NRROS: variants seen among roughly 807,000 people sequenced by gnomAD.
The protein encoded by NRROS is negative regulator of reactive oxygen species, also known as transforming growth factor beta activator LRRC33.
NRROS carries 6 observed loss-of-function variants against 12.0 expected under a neutral mutation model. The ratio of observed to expected loss-of-function variants is 0.50; its 90% confidence interval spans 0.27 to 0.98. The LOEUF is 0.98. Ranked by LOEUF, NRROS falls within the 50% of genes least tolerant of loss-of-function variation. The probability of loss-of-function intolerance (pLI) is 0.11; values close to 1 mark genes in which losing one functional copy is unlikely to be tolerated. For missense variants in NRROS, 857 were observed against 888.2 expected (o/e 0.96, Z 0.45); for synonymous variants, 462 against 410.2 (o/e 1.13, Z -1.53).
Position 196,661,355 on chromosome 3 carries a change from C to A in NRROS, c.1712C>A (p.Thr571Lys). ...ETLDLRRNSLTALPQKAVSEQ... is the reference protein window; with the variant it reads ...ETLDLRRNSLKALPQKAVSEQ... ...CTGGATCTCCGTAGAAACTCGCTCA[C>A]AGCCCTTCCCCAGAAGGCTGTGTCT... Residue 571 changes from threonine to lysine, a missense_variant, in exon 3 of 3, where the codon ACA (threonine) becomes AAA (lysine). Transcript: ENST00000328557. 6.3e-7 allele frequency: 1 copy of A among 1,579,016 alleles called. No homozygotes were observed. Among genetic ancestry groups the A allele is most frequent in the Non-Finnish European group, 8.6e-7 (1 of 1,161,416 alleles).
At chr3:196,648,113 T>G (rs1737345957) in intron 1 of NRROS, among the ~76,000 whole-genome samples, 4 of 152,240 alleles carry the variant, frequency 2.6e-5, no homozygotes, top group Non-Finnish European at 5.9e-5. Context: ...ATTACCATAA[T>G]TTAACATCTC....
At chr3:196,655,944 G>A (rs1483189035) in intron 2 of NRROS, among the ~76,000 whole-genome samples, 2 of 152,102 alleles carry the variant, frequency 1.3e-5, no homozygotes, top group Non-Finnish European at 2.9e-5. Context: ...AGGCCGAGGC[G>A]GGCAGATCAC....
intron 2 of NRROS, among the ~76,000 whole-genome samples, chr3:196,658,732 C>T (rs768013373): frequency 9.9e-5 from 15 of 152,074 alleles, no homozygotes; most frequent in African/African-American, 1.7e-4. Context: ...TTTGGGAGGC[C>T]GAGGCAGGCA....
At chr3:196,646,887 C>T (rs1201381107) in intron 1 of NRROS, among the ~76,000 whole-genome samples, 4 of 152,292 alleles carry the variant, frequency 2.6e-5, no homozygotes, top group Non-Finnish European at 4.4e-5. Context: ...CGCCGCGTGC[C>T]TCTCTTTTCA....
chr3:196,651,905 C>T (rs1737436559), intron 1 of NRROS, among the ~76,000 whole-genome samples: 1 of 152,176 alleles, frequency 6.6e-6, no homozygotes, highest in African/African-American at 2.4e-5. Context: ...TCTTTCTGCC[C>T]TCTACTGTCT....
chr3:196,642,210 C>T (rs961263325), intron 1 of NRROS, among the ~76,000 whole-genome samples: 6 of 150,632 alleles, frequency 4.0e-5, no homozygotes, highest in South Asian at 2.1e-4. Context: ...ACAATAAACC[C>T]GAGTTCAAGA....
At chr3:196,659,346 G>A (rs1737611284) in intron 2 of NRROS, among the ~76,000 whole-genome samples, 1 of 143,038 alleles carries the variant, frequency 7.0e-6, no homozygotes, top group African/African-American at 2.6e-5. Flanking sequence ...TGTCGCCCAG[G>A]CTGGAGTGCA....
In NRROS at chr3:196,661,051, G is replaced by C; in HGVS notation, c.1408G>C (p.Glu470Gln). 1 of 1,614,154 alleles carries C rather than the reference G, an allele frequency of 6.2e-7. No homozygotes were observed. The highest frequency in any genetic ancestry group is 8.5e-7 in the Non-Finnish European group (1 of 1,180,034). ...NMASLRSLSL[E>Q]GCGLGALPDC... ...GGCATCTTTAAGGAGCCTGTCTCTG[G>C]AGGGCTGTGGCCTGGGGGCATTGCC... The change falls in exon 3 of 3, where the codon GAG (glutamate) becomes CAG (glutamine). Residue 470 changes from glutamate to glutamine, a missense_variant. Transcript: ENST00000328557.
At chr3:196,655,235 TAAA>T (rs1259170871) in intron 2 of NRROS, among the ~76,000 whole-genome samples, 5 of 74,552 alleles carry the variant, frequency 6.7e-5, no homozygotes, top group Admixed American at 2.9e-4. Context: ...ACCTTGTCTT[TAAA>T]AAAAAAAAAA....
At chr3:196,644,143 C>G (rs1017569948) in intron 1 of NRROS, among the ~76,000 whole-genome samples, 1 of 152,200 alleles carries the variant, frequency 6.6e-6, no homozygotes, top group Non-Finnish European at 1.5e-5. Flanking sequence ...CCCCAGTTTT[C>G]TTCTAGGCTC....
chr3:196,649,384 A>G (rs1210799334), intron 1 of NRROS, among the ~76,000 whole-genome samples: 2 of 152,154 alleles, frequency 1.3e-5, no homozygotes, highest in East Asian at 1.9e-4. Context: ...TTGTGTGTCC[A>G]TGAGTGTCAC....
At chr3:196,640,305 A>C (rs1156555614) in intron 1 of NRROS, among the ~76,000 whole-genome samples, 2 of 152,164 alleles carry the variant, frequency 1.3e-5, no homozygotes, top group Non-Finnish European at 2.9e-5. Context: ...GTGCACACTC[A>C]GCATGCTGAG....
rs144201383 is a variant in NRROS, at chr3:196,661,178, T to C, written c.1535T>C (p.Met512Thr). 9 of 1,612,908 alleles carry C rather than the reference T, an allele frequency of 5.6e-6. No individual in the cohort carries two copies. Among genetic ancestry groups the C allele is most frequent in the Admixed American group, 5.0e-5 (3 of 59,862 alleles). ...SLAPLQDVAPMLQVLSLRNMG... is the reference protein window; with the variant it reads ...SLAPLQDVAPTLQVLSLRNMG... ...GCCCCACTCCAGGATGTTGCCCCCATGTTACAGGTCCTGTCTCTCAGGAAC... is the reference window on the plus strand; with the variant it reads ...GCCCCACTCCAGGATGTTGCCCCCACGTTACAGGTCCTGTCTCTCAGGAAC... Residue 512 changes from methionine to threonine, a missense_variant, in exon 3 of 3, where the codon ATG becomes ACG. Met to Thr is a moderately conservative substitution (Grantham distance 81). Transcript: ENST00000328557.
In NRROS at chr3:196,641,881, C is replaced by T. The variant is rs573483295; in HGVS notation, c.-14+2006C>T. ...TCAGGAGAGGGTGGACTTTCAACCA[C>T]GACTGAAAACACTGTCTTTCTTAGG... On this transcript the variant is annotated intron_variant, in intron 1 of 2. Coordinates refer to ENST00000328557, the MANE Select transcript of NRROS (RefSeq NM_198565.3). Among the ~76,000 whole-genome samples the T allele has an allele frequency of 3.9e-5, 6 of 152,298 alleles. No individual in the cohort carries two copies. In the East Asian group the frequency reaches 5.8e-4, roughly 15 times the overall value.
intron 2 of NRROS, among the ~76,000 whole-genome samples, chr3:196,656,330 C>T (rs73084958): frequency 0.072 from 10,903 of 152,226 alleles, 439 homozygotes; most frequent in East Asian, 0.16. Context: ...TTAGTAGGAA[C>T]CTATAACCAC....
At chr3:196,658,521 T>G (rs950998813) in intron 2 of NRROS, among the ~76,000 whole-genome samples, 5 of 152,210 alleles carry the variant, frequency 3.3e-5, no homozygotes, top group South Asian at 2.1e-4. Context: ...AACCTGTGCT[T>G]CTTCTAACCT....
At chr3:196,650,424 G>A (rs1429510151) in intron 1 of NRROS, among the ~76,000 whole-genome samples, 3 of 152,154 alleles carry the variant, frequency 2.0e-5, no homozygotes, top group African/African-American at 4.8e-5. Flanking sequence ...GATTACAGGA[G>A]TGAGCCACTG....
chr3:196,649,711 T>TC (rs1405792416), intron 1 of NRROS, among the ~76,000 whole-genome samples: 1 of 152,146 alleles, frequency 6.6e-6, no homozygotes, highest in Non-Finnish European at 1.5e-5. Context: ...GACCTCGTGA[T>TC]CACCCGCCTC....
chr3:196,646,509 G>T (rs981108709), intron 1 of NRROS, among the ~76,000 whole-genome samples: 6 of 152,200 alleles, frequency 3.9e-5, no homozygotes, highest in Non-Finnish European at 8.8e-5. Flanking sequence ...CCAGATGGCA[G>T]CCTGTGGGCA....
Sources: gnomAD v4.1 joint callset for allele counts (sites outside exome capture counted in the v4.1 genomes callset) on GRCh38, gnomAD v4.1.1 for gene constraint, MANE v1.5 for transcripts, NCBI Gene and HGNC (gene_info 2026-07-23, HGNC 2026-07-21) for gene names.